Variants in SOS2 observed in about 807,000 individuals in gnomAD.
SOS2 encodes the protein SOS Ras/Rho guanine nucleotide exchange factor 2.
A neutral mutation model predicts 148.2 loss-of-function variants in SOS2; 65 were observed. The ratio of observed to expected loss-of-function variants is 0.44; its 90% CI spans 0.36 to 0.54. The LOEUF (loss-of-function observed/expected upper bound fraction) is 0.54. Ranked by LOEUF, SOS2 falls within the 20% of genes least tolerant of loss-of-function variation. SOS2 has a pLI of 0.00. For synonymous variants in SOS2, 539 were observed against 537.1 expected (o/e 1.00, Z -0.05); for missense variants, 1,341 against 1,590.2 (o/e 0.84, Z 2.67).
At chr14:50,210,192 TAGAG>T (rs942018747) in intron 1 of SOS2, among the ~76,000 whole-genome samples, 1 of 152,128 alleles carries the variant, frequency 6.6e-6, no homozygotes, top group Admixed American at 6.5e-5. Flanking sequence ...GGCATAAGGA[TAGAG>T]AAAGAAATCA....
Position 50,149,087 on chromosome 14 carries a change from G to A in SOS2, c.2384+921C>T, listed in dbSNP as rs1016661882. On this transcript the variant is annotated intron_variant, in intron 14 of 22. Transcript: ENST00000216373. ...CTATTTTTTGTAGTTTTTGTATGAC[G>A]GAGTTTGCCATGTTGCTCAGGCTGG... Among the ~76,000 whole-genome samples the A allele has an allele frequency of 3.9e-5, 6 of 152,204 alleles. No homozygotes were observed. In the East Asian group the frequency reaches 5.8e-4, roughly 15 times the overall value.
chr14:50,138,696 C>T lies in SOS2; in HGVS notation c.2874G>A (p.Lys958=). The change falls in exon 18 of 23, where the codon AAG becomes AAA. Residue 958 remains lysine (K), a synonymous_variant. Transcript: ENST00000216373. ...CAGTAATTTCAGCTACTTTCCTCCTCTTACTGAAATTGATTAAATCTTTCC... is the reference window on the plus strand; with the variant it reads ...CAGTAATTTCAGCTACTTTCCTCCTTTTACTGAAATTGATTAAATCTTTCC... ...KKGKDLINFS[K]RRKVAEITGE... The T allele has an allele frequency of 6.6e-7, 1 of 1,509,232 alleles. No homozygotes were observed. Among genetic ancestry groups the T allele is most frequent in the Non-Finnish European group, 9.1e-7 (1 of 1,095,280 alleles). 93.5% of individuals were successfully genotyped at this position (1,509,232 alleles called of 1,614,324 possible).
intron 10 of SOS2, among the ~76,000 whole-genome samples, chr14:50,159,158 CCAGCCTGGG>C (rs1340614207): frequency 6.6e-6 from 1 of 151,770 alleles, no homozygotes; most frequent in African/African-American, 2.4e-5. Context: ...CCACTGCACT[CCAGCCTGGG>C]CAACAGAGCA....
At chr14:50,224,049 C>A (rs1475695890) in intron 1 of SOS2, among the ~76,000 whole-genome samples, 1 of 151,608 alleles carries the variant, frequency 6.6e-6, no homozygotes, top group Non-Finnish European at 1.5e-5. Flanking sequence ...ACTTGGGGGG[C>A]CGAGGCGGGC....
chr14:50,178,787 G>A (rs1594997894), intron 7 of SOS2, among the ~76,000 whole-genome samples: 1 of 151,198 alleles, frequency 6.6e-6, no homozygotes, highest in East Asian at 1.9e-4. Flanking sequence ...AGGCTGGAGT[G>A]TAGTGGCACG....
chr14:50,220,166 C>T (rs1011766899), intron 1 of SOS2, among the ~76,000 whole-genome samples: 20 of 149,648 alleles, frequency 1.3e-4, no homozygotes, highest in African/African-American at 4.4e-4. Context: ...TTTGGGAGGC[C>T]GAAGCGGGCA....
intron 10 of SOS2, 58 bp from the exon 11 acceptor site, chr14:50,158,704 C>A: frequency 9.0e-7 from 1 of 1,107,916 alleles, no homozygotes; most frequent in South Asian, 1.4e-5. Flanking sequence ...TTAATTAACT[C>A]AAAGTACCAT....
intron 18 of SOS2, among the ~76,000 whole-genome samples, chr14:50,136,132 T>C (rs1039016963): frequency 2.0e-5 from 3 of 152,242 alleles, no homozygotes; most frequent in African/African-American, 7.2e-5. Context: ...AATGTGTTCT[T>C]ATGTTCAGGT....
At chr14:50,122,436 C>A (rs906609216) in intron 21 of SOS2, among the ~76,000 whole-genome samples, 8 of 123,784 alleles carry the variant, frequency 6.5e-5, no homozygotes, top group African/African-American at 2.6e-4. Flanking sequence ...CGCTCTGTCG[C>A]CCAGGCTGGA....
chr14:50,226,159 G>A (rs1490967784), intron 1 of SOS2, among the ~76,000 whole-genome samples: 1 of 152,140 alleles, frequency 6.6e-6, no homozygotes, highest in Non-Finnish European at 1.5e-5. Flanking sequence ...AACAGTGTCT[G>A]CAGCCAGGCG....
intron 4 of SOS2, among the ~76,000 whole-genome samples, chr14:50,196,602 A>G (rs188347475): frequency 1.9e-4 from 29 of 152,190 alleles, no homozygotes. Flanking sequence ...CCATCATTCT[A>G]CTAGCTAAGA....
At chr14:50,152,582 T>A (rs1160812201) in intron 13 of SOS2, among the ~76,000 whole-genome samples, 3 of 152,222 alleles carry the variant, frequency 2.0e-5, no homozygotes, top group African/African-American at 7.2e-5. Flanking sequence ...TTCTGAGACC[T>A]CAGATGATTG....
intron 7 of SOS2, among the ~76,000 whole-genome samples, chr14:50,178,671 CATATATATATATATATATATATATATAT>C (rs1170021476): frequency 1.4e-4 from 2 of 14,454 alleles, no homozygotes; most frequent in Non-Finnish European, 2.5e-4. Flanking sequence ...TGTGTGTGTG[CATATATATATATATATATATATATATAT>C]ATATATATAT....
intron 4 of SOS2, among the ~76,000 whole-genome samples, chr14:50,198,667 C>G (rs1186085781): frequency 6.6e-6 from 1 of 152,132 alleles, no homozygotes; most frequent in Non-Finnish European, 1.5e-5. Context: ...GTTGTTCACC[C>G]TGAGAGAGTT....
At position 50,142,819 on chromosome 14, in the gene SOS2, T is replaced by C. The variant is rs183444949; in HGVS notation, c.2667+2351A>G. The stretch of plus-strand genomic sequence containing the variant: ...TTATACTCTGGTGTGTTTATTTCTT[T>C]GCAATTCTGGGTCCTAAGAGTATGC... On this transcript the variant is annotated intron_variant, in intron 16 of 22. Coordinates refer to ENST00000216373, the MANE Select transcript of SOS2 (RefSeq NM_006939.4). Among the ~76,000 whole-genome samples, 39 of 152,360 alleles carry C rather than the reference T, an allele frequency of 2.6e-4. No individual in the cohort carries two copies. In the East Asian group the frequency reaches 7.1e-3, roughly 28 times the overall value.
At chr14:50,208,858 A>G (rs1356993214) in intron 1 of SOS2, among the ~76,000 whole-genome samples, 1 of 152,228 alleles carries the variant, frequency 6.6e-6, no homozygotes, top group Non-Finnish European at 1.5e-5. Context: ...TTTGCAGATC[A>G]TCTGACTGCC....
chr14:50,150,763 C>T (rs1329368108), intron 13 of SOS2, among the ~76,000 whole-genome samples: 2 of 151,966 alleles, frequency 1.3e-5, no homozygotes, highest in African/African-American at 4.8e-5. Flanking sequence ...CACTTTGTCA[C>T]CCAGGCTGGA....
intron 1 of SOS2, among the ~76,000 whole-genome samples, chr14:50,207,069 A>C (rs914784743): frequency 6.6e-6 from 1 of 152,232 alleles, no homozygotes; most frequent in African/African-American, 2.4e-5. Flanking sequence ...ATATGGGTCT[A>C]CCTGGCTTCA....
At chr14:50,148,515 T>C (rs1177792194) in intron 14 of SOS2, among the ~76,000 whole-genome samples, 2 of 152,202 alleles carry the variant, frequency 1.3e-5, no homozygotes, top group Non-Finnish European at 2.9e-5. Context: ...TTTTTTCTGA[T>C]GTCCATTCAT....
Sources: allele counts gnomAD v4.1 joint callset (sites outside exome capture counted in the v4.1 genomes callset), GRCh38; gene constraint gnomAD v4.1.1; transcripts MANE v1.5; gene names NCBI Gene and HGNC (gene_info 2026-07-23, HGNC 2026-07-21).